Variants in TAF1 observed in about 807,000 individuals in gnomAD.
TAF1 encodes the protein transcription initiation factor TFIID subunit 1.
A neutral mutation model predicts 138.5 loss-of-function variants in TAF1; 2 were observed. The observed-to-expected ratio is 0.01, with a 90% confidence interval of 0.01 to 0.05. The LOEUF is 0.05. Ranked by LOEUF, TAF1 falls within the 10% of genes least tolerant of loss-of-function variation. The pLI is 1.00. For missense variants in TAF1, 709 were observed against 1,478.0 expected, an observed-to-expected ratio of 0.48 and a Z score of 8.53; for synonymous variants, 437 against 503.2, an observed-to-expected ratio of 0.87 and a Z score of 1.76.
At chrX:71,425,999 C>A (rs746841847) in intron 32 of TAF1, among the ~76,000 whole-genome samples, 1 of 109,919 alleles carries the variant, frequency 9.1e-6, no homozygotes, top group South Asian at 4.0e-4. Flanking sequence ...GTAGCTCACA[C>A]CTGTGATCCT....
At chrX:71,479,672 C>T (rs1569393528) in intron 13 of TAF1, among the ~76,000 whole-genome samples, 2 of 111,914 alleles carry the variant, frequency 1.8e-5, no homozygotes, top group South Asian at 3.7e-4. Flanking sequence ...ATCCAGAGAG[C>T]TTCAGAGGCT....
intron 35 of TAF1, 106 bp downstream of exon 35, chrX:71,458,472 G>C (rs2038403049): frequency 9.8e-7 from 1 of 1,024,049 alleles, no homozygotes; most frequent in African/African-American, 1.9e-5. Context: ...AGAATGACTG[G>C]GCCCTTTGGC....
chrX:71,379,102 GTGA>G, intron 8 of TAF1, 71 bp downstream of exon 8: 11 of 531,924 alleles, frequency 2.1e-5, no homozygotes, highest in Admixed American at 4.7e-5. Flanking sequence ...GGGCTCAGCT[GTGA>G]TTTTTTTTTT....
chrX:71,420,449 T>C, intron 28 of TAF1: 2 of 1,210,434 alleles, frequency 1.7e-6, no homozygotes, highest in Non-Finnish European at 2.2e-6. Flanking sequence ...GCTCTTCTGC[T>C]GTTGCACCAT....
In TAF1 at chrX:71,408,135, T is replaced by C. The variant is rs2035569452; in HGVS notation, c.4368T>C (p.Asn1456=). The C allele has an allele frequency of 8.3e-7, 1 of 1,211,033 alleles. No homozygotes were observed. Among genetic ancestry groups the C allele is most frequent in the Non-Finnish European group, 1.1e-6 (1 of 895,331 alleles). The stretch of plus-strand genomic sequence containing the variant: ...AGCATCTGGAGCTAATTGTGAAAAA[T>C]AGTGCAACCTACAATGGTAAGAATC... The part of the protein sequence containing the change: ...FREHLELIVK[N]SATYNGPKHS... The change falls in exon 28 of 38, where the codon AAT becomes AAC. Residue 1456 remains asparagine, a synonymous_variant. Transcript: ENST00000423759.
At chrX:71,455,125 C>G in intron 34 of TAF1, 1 of 1,008,824 alleles carries the variant, frequency 9.9e-7, no homozygotes, top group Non-Finnish European at 1.3e-6. Flanking sequence ...TATCAGATCC[C>G]TGACCCAGCC....
intron 32 of TAF1, among the ~76,000 whole-genome samples, chrX:71,440,729 T>TA (rs1464669448): frequency 2.7e-5 from 3 of 111,690 alleles, no homozygotes; most frequent in Non-Finnish European, 5.6e-5. Flanking sequence ...CATTCACTGT[T>TA]ACCACTTTTT....
chrX:71,462,457 AGCTACTCAGG>A (rs1349717415), intron 37 of TAF1, among the ~76,000 whole-genome samples: 64 of 110,616 alleles, frequency 5.8e-4, no homozygotes, highest in Non-Finnish European at 1.1e-3. Context: ...CTGTAGTCCC[AGCTACTCAGG>A]AGGCTGAGGC....
chrX:71,380,998 T>A (rs2033850006), intron 8 of TAF1, among the ~76,000 whole-genome samples: 1 of 111,666 alleles, frequency 9.0e-6, no homozygotes. Context: ...GATACAAAAA[T>A]GTCTGATTTT....
intron 32 of TAF1, among the ~76,000 whole-genome samples, chrX:71,452,862 C>A (rs1216733498): frequency 5.3e-5 from 6 of 112,448 alleles, no homozygotes; most frequent in South Asian, 3.7e-4. Flanking sequence ...AGCTGGAGAC[C>A]AGCCCGGCCA....
At chrX:71,388,984 T>C (rs2034406248) in intron 17 of TAF1, 116 bp downstream of exon 17, 1 of 875,633 alleles carries the variant, frequency 1.1e-6, no homozygotes, top group African/African-American at 2.0e-5. Flanking sequence ...GGAGGATGGT[T>C]TACTAGATTA....
Position 71,456,649 on chromosome X carries a change from C to CTTTTTTTTTTT in TAF1, c.4939-1559_4939-1549dup, listed in dbSNP as rs776321706. ...ATGGTGGTGGTCAATAATGTATTTT[C>CTTTTTTTTTTT]TTTTTTTTTTTTTTTTTTTTTTTTT... is the stretch of plus-strand genomic sequence containing the variant. On this transcript the variant is annotated intron_variant, in intron 34 of 37. Coordinates refer to ENST00000423759, the MANE Select transcript of TAF1 (RefSeq NM_004606.5). Among the ~76,000 whole-genome samples the CTTTTTTTTTTT allele has an allele frequency of 9.7e-4, 26 of 26,826 alleles. 6 individuals are homozygous for CTTTTTTTTTTT. The highest frequency in any genetic ancestry group is 2.7e-3 in the South Asian group (1 of 375). The allele number at this position is 26,826 out of a possible 115,157, so 23.3% of individuals were successfully genotyped here.
intron 13 of TAF1, among the ~76,000 whole-genome samples, chrX:71,477,342 T>C (rs1359254626): frequency 3.6e-5 from 4 of 110,582 alleles, no homozygotes; most frequent in Non-Finnish European, 5.7e-5. Flanking sequence ...CCAGGCTGCA[T>C]TGCAATAGTG....
At chrX:71,407,214 ATTTTTTT>A (rs1192482805) in intron 26 of TAF1, among the ~76,000 whole-genome samples, 1 of 80,946 alleles carries the variant, frequency 1.2e-5, no homozygotes, top group Non-Finnish European at 2.4e-5. Context: ...TGCTCGGCAG[ATTTTTTT>A]TTTTTTTTTT....
chrX:71,431,343 G>T (rs1211994429), intron 32 of TAF1, among the ~76,000 whole-genome samples: 4 of 110,358 alleles, frequency 3.6e-5, no homozygotes, highest in Admixed American at 9.7e-5. Context: ...GATTATAGGC[G>T]TGAGCTTTTG....
At position 71,383,103 on chromosome X, in the gene TAF1, T is replaced by A. The variant is rs2033996107; in HGVS notation, c.1886T>A (p.Leu629His). ...CTGAAAAAGTACTCATTTGGTGCAC[T>A]TTCTCAGCCAGGTCCCCACTCAGTC... ...PPLKKYSFGA[L>H]SQPGPHSVQP... Residue 629 changes from leucine (L) to histidine (H), a missense_variant, in exon 12 of 38, where the codon CTT (leucine) becomes CAT (histidine). Coordinates refer to ENST00000423759, the MANE Select transcript of TAF1 (RefSeq NM_004606.5). 8.3e-7 allele frequency: 1 copy of A among 1,209,414 alleles called. No individual in the cohort carries two copies. The highest frequency in any genetic ancestry group is 1.1e-6 in the Non-Finnish European group (1 of 895,244).
chrX:71,511,799 T>C (rs746886600), intron 13 of TAF1, among the ~76,000 whole-genome samples: 1 of 110,565 alleles, frequency 9.0e-6, no homozygotes, highest in East Asian at 2.8e-4. Flanking sequence ...GTGGATTGCT[T>C]GAGCTCAGGA....
At chrX:71,483,812 A>C (rs2147517852) in intron 13 of TAF1, among the ~76,000 whole-genome samples, 3 of 91,430 alleles carry the variant, frequency 3.3e-5, no homozygotes, top group Non-Finnish European at 4.3e-5. Context: ...ATACACACAC[A>C]TCCCTCATTA....
chrX:71,373,236 C>T (rs1026179027), intron 3 of TAF1, among the ~76,000 whole-genome samples: 9 of 104,364 alleles, frequency 8.6e-5, no homozygotes, highest in Admixed American at 1.1e-4. Flanking sequence ...GGCGCAATCT[C>T]GGTTCACTGT....
Sources: gnomAD v4.1 joint callset for allele counts (sites outside exome capture counted in the v4.1 genomes callset) on GRCh38, gnomAD v4.1.1 for gene constraint, MANE v1.5 for transcripts, NCBI Gene and HGNC (gene_info 2026-07-23, HGNC 2026-07-21) for gene names.